MDGA1: variants seen among roughly 807,000 people sequenced by gnomAD.
MDGA1 encodes MAM domain containing glycosylphosphatidylinositol anchor 1.
A neutral mutation model predicts 101.5 loss-of-function variants in MDGA1; 54 were observed. That is an observed-to-expected ratio of 0.53 (90% CI 0.43 to 0.67). MDGA1 has a LOEUF of 0.67. Ranked by LOEUF, MDGA1 falls within the 30% of genes least tolerant of loss-of-function variation. MDGA1 has a pLI of 0.00. For synonymous variants in MDGA1, 533 were observed against 558.3 expected (o/e 0.95, Z 0.64); for missense variants, 1,083 against 1,323.8 (o/e 0.82, Z 2.82).
At chr6:37,694,369 C>T (rs1020190845) in intron 1 of MDGA1, among the ~76,000 whole-genome samples, 2 of 152,216 alleles carry the variant, frequency 1.3e-5, no homozygotes, top group African/African-American at 2.4e-5. Context: ...AACTATAGCC[C>T]TTTCTTCATT....
intron 10 of MDGA1, 115 bp from the exon 11 acceptor site, chr6:37,646,490 A>T (rs1761201540): frequency 1.2e-6 from 1 of 807,776 alleles, no homozygotes; most frequent in African/African-American, 1.7e-5. Context: ...TCTTCATAAT[A>T]AAAATGATGA....
At chr6:37,644,726 C>T (rs1047191205) in intron 12 of MDGA1, 77 bp from the exon 13 acceptor site, 9 of 1,363,238 alleles carry the variant, frequency 6.6e-6, no homozygotes, top group Non-Finnish European at 5.7e-6. Context: ...CTCTCACCCC[C>T]CAGAGGCAGC....
intron 1 of MDGA1, among the ~76,000 whole-genome samples, chr6:37,692,530 C>A (rs1437314230): frequency 6.6e-6 from 1 of 152,106 alleles, no homozygotes; most frequent in Non-Finnish European, 1.5e-5. Context: ...GGCCCTCCCC[C>A]ATGCCTCCTG....
In MDGA1 at chr6:37,651,995, C is replaced by T. The variant is rs1761378412; in HGVS notation, c.1312+16G>A. The T allele has an allele frequency of 6.4e-7, 1 of 1,555,768 alleles. No individual in the cohort carries two copies. Among genetic ancestry groups the T allele is most frequent in the East Asian group, 2.3e-5 (1 of 43,466 alleles). ...CACCCCCCTCACATTTCCGCAGTGC[C>T]CCTCCAGCTGCCCACCTGTCTCAGA... On this transcript the variant is annotated intron_variant, in intron 7 of 16. Coordinates refer to ENST00000434837, the MANE Select transcript of MDGA1 (RefSeq NM_153487.4).
intron 5 of MDGA1, 27 bp from the exon 6 acceptor site, chr6:37,654,570 G>A (rs1267327505): frequency 6.2e-7 from 1 of 1,613,942 alleles, no homozygotes; most frequent in Non-Finnish European, 8.5e-7. Flanking sequence ...GGGGGTCTTA[G>A]GGGACTGTGA....
intron 2 of MDGA1, among the ~76,000 whole-genome samples, chr6:37,658,741 C>T (rs1265972030): frequency 6.6e-6 from 1 of 152,134 alleles, no homozygotes; most frequent in Non-Finnish European, 1.5e-5. Context: ...GGAGGCCAAG[C>T]GGGCGGATCA....
At chr6:37,642,138 T>G (rs965232597) in intron 14 of MDGA1, among the ~76,000 whole-genome samples, 5 of 82,906 alleles carry the variant, frequency 6.0e-5, no homozygotes, top group African/African-American at 1.8e-4. Flanking sequence ...GGAAATAGAT[T>G]ATATATATGT....
rs535783628 is a variant in MDGA1 at position 37,646,340 on chromosome 6, C to T, written c.2082G>A (p.Pro694=). ...NQHNAVVKAI[P]VRRVEKGQLL... is the part of the protein sequence containing the mutation. ...GCTGCCCCTTCTCCACACGCCGGAC[C>T]GGGATGGCCTTGACCACCGCATTGT... is the stretch of plus-strand genomic sequence containing the variant. The change falls in exon 11 of 17, where the codon CCG becomes CCA. Residue 694 remains proline (P), a synonymous_variant. Coordinates refer to ENST00000434837, the MANE Select transcript of MDGA1 (RefSeq NM_153487.4). The T allele has an allele frequency of 4.5e-5, 71 of 1,574,538 alleles. No individual in the cohort carries two copies. Among genetic ancestry groups the T allele is most frequent in the South Asian group, 4.0e-4 (34 of 84,392 alleles).
chr6:37,649,252 C>T lies in MDGA1; in HGVS notation c.1624G>A (p.Glu542Lys), dbSNP rs1426870659. The change falls in exon 9 of 17, where the codon GAG (glutamate) becomes AAG (lysine). Residue 542 changes from glutamate to lysine, a missense_variant. Transcript: ENST00000434837. ...TGGCGCACGTCCTGGGAACTGGGCTCCACCTCCGGCGGGACTGGGGGCGGG... is the reference window on the plus strand; with the variant it reads ...TGGCGCACGTCCTGGGAACTGGGCTTCACCTCCGGCGGGACTGGGGGCGGG... ...QLNVQFPPEV[E>K]PSSQDVRQAL... 2 of 1,502,974 alleles carry T rather than the reference C, an allele frequency of 1.3e-6. No homozygotes were observed. The highest frequency in any genetic ancestry group is 1.4e-5 in the African/African-American group (1 of 69,094). 93.1% of individuals were successfully genotyped at this position (1,502,974 alleles called of 1,614,324 possible). A position where few individuals can be genotyped will look rare whatever the true frequency, so the allele number is the denominator to read the frequency against.
At chr6:37,660,701 A>G (rs1761602841) in intron 2 of MDGA1, among the ~76,000 whole-genome samples, 1 of 152,118 alleles carries the variant, frequency 6.6e-6, no homozygotes, top group African/African-American at 2.4e-5. Context: ...AGATCCTTTC[A>G]AATTGCTCTG....
chr6:37,689,367 C>T (rs1192999413), intron 1 of MDGA1, among the ~76,000 whole-genome samples: 4 of 152,202 alleles, frequency 2.6e-5, no homozygotes, highest in Non-Finnish European at 5.9e-5. Context: ...GCTCATTGTC[C>T]ACCCGATTTG....
chr6:37,674,534 G>A (rs79647936), intron 1 of MDGA1, among the ~76,000 whole-genome samples: 4,444 of 152,224 alleles, frequency 0.029, 228 homozygotes, highest in African/African-American at 0.1. Flanking sequence ...GCACCACTGC[G>A]CCCACATCCT....
Position 37,630,859 on chromosome 6 carries a change from G to C in MDGA1, c.*6509C>G, listed in dbSNP as rs1362296890. The C allele has an allele frequency of 6.6e-6, 1 of 152,218 alleles. No individual in the cohort carries two copies. Among genetic ancestry groups the C allele is most frequent in the Non-Finnish European group, 1.5e-5 (1 of 68,054 alleles). The allele number at this position is 152,218 out of a possible 1,614,324, so 9.4% of individuals were successfully genotyped here. A position where few individuals can be genotyped will look rare whatever the true frequency, so the allele number is the denominator to read the frequency against. ...TGGACTCAGCTGGGATGGTCAGCCAGAGCCCCTCCAGCATGACGGTCTCAG... is the reference window on the plus strand; with the variant it reads ...TGGACTCAGCTGGGATGGTCAGCCACAGCCCCTCCAGCATGACGGTCTCAG... On this transcript the variant is annotated 3_prime_UTR_variant, in exon 17 of 17. Coordinates refer to ENST00000434837, the MANE Select transcript of MDGA1 (RefSeq NM_153487.4).
At chr6:37,683,456 C>G (rs1412575467) in intron 1 of MDGA1, among the ~76,000 whole-genome samples, 22 of 152,224 alleles carry the variant, frequency 1.4e-4, no homozygotes, top group Admixed American at 1.4e-3. Context: ...CCCACCTGCA[C>G]CCCCTCTCCT....
At chr6:37,665,920 C>A (rs1256585937) in intron 1 of MDGA1, among the ~76,000 whole-genome samples, 1 of 152,178 alleles carries the variant, frequency 6.6e-6, no homozygotes, top group Admixed American at 6.5e-5. Flanking sequence ...AAAATGTATA[C>A]CTGGCCCACC....
chr6:37,644,715 CCT>C, intron 12 of MDGA1, 66 bp from the exon 13 acceptor site: 1 of 1,401,354 alleles, frequency 7.1e-7, no homozygotes, highest in Non-Finnish European at 9.3e-7. Flanking sequence ...CAGCCTCGCC[CCT>C]CTCACCCCCC....
At position 37,638,529 on chromosome 6, in the gene MDGA1, G is replaced by A. The variant is rs3818020; in HGVS notation, c.2667+8C>T. The stretch of plus-strand genomic sequence containing the variant: ...CCGGGGAGGGTCCTCTGGGCCCTAC[G>A]GACTCACCTGGAAGGGCCCACTGGG... On this transcript the variant is annotated splice_region_variant and intron_variant, in intron 15 of 16. Transcript: ENST00000434837. This position sits in a 1 kb window ranked among gnomAD's most constrained non-coding sequence, Gnocchi z 4.8. 0.11 allele frequency: 171,933 copies of A among 1,613,614 alleles called. 11,753 individuals are homozygous for A. The highest frequency in any genetic ancestry group is 0.28 in the Admixed American group (16,892 of 60,020).
chr6:37,674,873 T>A (rs551071292), intron 1 of MDGA1, among the ~76,000 whole-genome samples: 1 of 152,162 alleles, frequency 6.6e-6, no homozygotes, highest in South Asian at 2.1e-4. Flanking sequence ...CTGGCCAACA[T>A]GGTGAAACCT....
At chr6:37,662,625 A>T (rs1442104107) in intron 2 of MDGA1, among the ~76,000 whole-genome samples, 1 of 148,354 alleles carries the variant, frequency 6.7e-6, no homozygotes, top group African/African-American at 2.6e-5. Flanking sequence ...ACAAAGTGAG[A>T]CCCCATCTCA....
Sources: gnomAD v4.1 joint callset for allele counts (sites outside exome capture counted in the v4.1 genomes callset) on GRCh38, gnomAD v4.1.1 for gene constraint, Gnocchi (gnomAD v3.1) non-coding constraint, MANE v1.5 for transcripts, NCBI Gene and HGNC (gene_info 2026-07-23, HGNC 2026-07-21) for gene names.